Variants in SFRP2 observed in about 807,000 individuals in gnomAD.
SFRP2 encodes the protein secreted frizzled related protein 2, also known as secreted frizzled-related protein 2.
SFRP2 carries 16 observed loss-of-function variants against 26.0 expected under a neutral mutation model. The observed-to-expected ratio is 0.61, with a 90% CI of 0.42 to 0.93. The LOEUF is 0.93. Ranked by LOEUF, SFRP2 falls within the 40% of genes least tolerant of loss-of-function variation. The pLI is 0.00. For missense variants in SFRP2, 343 were observed against 392.4 expected (o/e 0.87, Z 1.06); for synonymous variants, 173 against 167.3 (o/e 1.03, Z -0.26).
rs983964629 is a variant in SFRP2 at position 153,789,031 on chromosome 4, C to T, written c.-196G>A. The stretch of plus-strand genomic sequence containing the variant: ...GCGGGCGAGGCGCTGCAAGCCCGCG[C>T]GCAGCTCCGGGGGGCTCCGACCCGG... On this transcript the variant is annotated 5_prime_UTR_variant, in exon 1 of 3. Coordinates refer to ENST00000274063, the MANE Select transcript of SFRP2 (RefSeq NM_003013.3). 37 of 577,096 alleles carry T rather than the reference C, an allele frequency of 6.4e-5. No homozygotes were observed. The highest frequency in any genetic ancestry group is 9.7e-5 in the Non-Finnish European group (34 of 351,936). 35.7% of individuals were successfully genotyped at this position (577,096 alleles called of 1,614,324 possible). A position where few individuals can be genotyped will look rare whatever the true frequency, so the allele number is the denominator to read the frequency against.
chr4:153,787,421 G>C (rs928075436), intron 1 of SFRP2, among the ~76,000 whole-genome samples: 16 of 152,226 alleles, frequency 1.1e-4, no homozygotes, highest in African/African-American at 3.9e-4. Flanking sequence ...GAAAGGGAGA[G>C]GCTGCTGAAG....
intron 1 of SFRP2, among the ~76,000 whole-genome samples, chr4:153,786,857 T>TAAA (rs201360782): frequency 3.8e-5 from 5 of 130,094 alleles, no homozygotes; most frequent in African/African-American, 5.5e-5. Context: ...TTGGGAGAAG[T>TAAA]AAAAAAAAAA....
chr4:153,785,242 A>G (rs912400536), intron 2 of SFRP2, among the ~76,000 whole-genome samples: 1 of 152,178 alleles, frequency 6.6e-6, no homozygotes, highest in African/African-American at 2.4e-5. Context: ...ACCTTTTAAA[A>G]GGGATTTTAA....
At chr4:153,785,030 C>T (rs79251246) in intron 2 of SFRP2, among the ~76,000 whole-genome samples, 253 of 152,278 alleles carry the variant, frequency 1.7e-3, no homozygotes, top group Non-Finnish European at 2.5e-3. Flanking sequence ...CCCCAGCTCT[C>T]TTTCCCCTTA....
chr4:153,787,728 A>G (rs951465921), intron 1 of SFRP2, among the ~76,000 whole-genome samples: 1 of 152,258 alleles, frequency 6.6e-6, no homozygotes, highest in African/African-American at 2.4e-5. Flanking sequence ...AGTTACAACC[A>G]ATGTTCAATT....
intron 2 of SFRP2, among the ~76,000 whole-genome samples, chr4:153,783,096 C>A (rs1741148448): frequency 6.6e-6 from 1 of 151,806 alleles, no homozygotes; most frequent in South Asian, 2.1e-4. Context: ...ACTTGGCCAA[C>A]CATGGTTTTG....
chr4:153,781,439 A>G lies in SFRP2; in HGVS notation c.*12T>C, dbSNP rs750708205. On this transcript the variant is annotated 3_prime_UTR_variant, in exon 3 of 3. Coordinates refer to ENST00000274063, the MANE Select transcript of SFRP2 (RefSeq NM_003013.3). Reference sequence around the variant, plus strand: ...CTGGAGCAGGCCTGTCGGAGCCATCAGGATGCCGGGACTAGCACTGCAGCT... The same window carrying G: ...CTGGAGCAGGCCTGTCGGAGCCATCGGGATGCCGGGACTAGCACTGCAGCT... 6.8e-6 allele frequency: 11 copies of G among 1,606,210 alleles called. No homozygotes were observed. In the Admixed American group the frequency reaches 1.8e-4, roughly 27 times the overall value.
In SFRP2 at chr4:153,788,391, T is replaced by A; in HGVS notation, c.445A>T (p.Asn149Tyr). ...CTAGCGAGGGGGATGCAAAGGTCGTTGTCCTGGGGGAAACGGTCGCACTCA... is the reference window on the plus strand; with the variant it reads ...CTAGCGAGGGGGATGCAAAGGTCGTAGTCCTGGGGGAAACGGTCGCACTCA... Reference protein sequence around the residue: ...MLECDRFPQDNDLCIPLASSD... With the variant: ...MLECDRFPQDYDLCIPLASSD... Residue 149 changes from asparagine (N) to tyrosine (Y), a missense_variant, in exon 1 of 3, where the codon AAC (asparagine) becomes TAC (tyrosine). Around this residue, in one of 2 missense-constraint regions of SFRP2, gnomAD observed 251 missense variants for 253.3 expected, o/e 0.99. Coordinates refer to ENST00000274063, the MANE Select transcript of SFRP2 (RefSeq NM_003013.3). The A allele has an allele frequency of 6.2e-7, 1 of 1,613,698 alleles. No individual in the cohort carries two copies. Among genetic ancestry groups the A allele is most frequent in the Non-Finnish European group, 8.5e-7 (1 of 1,179,978 alleles).
At chr4:153,785,458 T>C (rs907384072) in intron 2 of SFRP2, among the ~76,000 whole-genome samples, 27 of 151,038 alleles carry the variant, frequency 1.8e-4, no homozygotes, top group Non-Finnish European at 2.9e-5. Flanking sequence ...TTTAAAGCCT[T>C]GAATCTGTTT....
At chr4:153,782,809 A>C (rs1379786529) in intron 2 of SFRP2, among the ~76,000 whole-genome samples, 1 of 152,200 alleles carries the variant, frequency 6.6e-6, no homozygotes, top group African/African-American at 2.4e-5. Flanking sequence ...TAGTGGTTGC[A>C]GCATAAACTT....
chr4:153,784,034 C>G (rs1741162484), intron 2 of SFRP2, among the ~76,000 whole-genome samples: 1 of 152,106 alleles, frequency 6.6e-6, no homozygotes, highest in South Asian at 2.1e-4. Flanking sequence ...GATAGGGCAT[C>G]CTTAGAAAGG....
intron 2 of SFRP2, among the ~76,000 whole-genome samples, chr4:153,785,021 C>T (rs1267394125): frequency 6.6e-6 from 1 of 152,094 alleles, no homozygotes; most frequent in African/African-American, 2.4e-5. Flanking sequence ...TAGACAAAGC[C>T]CCAGCTCTCT....
chr4:153,788,236 A>AC, intron 1 of SFRP2, 98 bp downstream of exon 1: 1 of 1,415,180 alleles, frequency 7.1e-7, no homozygotes, highest in Non-Finnish European at 9.6e-7. Flanking sequence ...CGCTACTGGC[A>AC]CCCCAAGCAG....
intron 1 of SFRP2, 152 bp downstream of exon 1, chr4:153,788,182 T>A (rs913848498): frequency 1.1e-6 from 1 of 910,890 alleles, no homozygotes; most frequent in African/African-American, 1.7e-5. Flanking sequence ...TGATACAGGC[T>A]TGTTGTGATG....
At chr4:153,786,096 C>G in intron 1 of SFRP2, 152 bp from the exon 2 acceptor site, 1 of 516,786 alleles carries the variant, frequency 1.9e-6, no homozygotes, top group Non-Finnish European at 3.4e-6. Flanking sequence ...CAGGAACACT[C>G]AATCCTAAGA....
rs74482074 is a variant in SFRP2 at position 153,784,028 on chromosome 4, G to A, written c.583+1836C>T. 3.3e-3 allele frequency among the ~76,000 whole-genome samples: 499 copies of A among 152,280 alleles called. 4 individuals carry two copies. The highest frequency in any genetic ancestry group is 0.011 in the African/African-American group (460 of 41,554). On this transcript the variant is annotated intron_variant, in intron 2 of 2. Coordinates refer to ENST00000274063, the MANE Select transcript of SFRP2 (RefSeq NM_003013.3). ...CCATGTTTTGGCTCATGTCTTGATA[G>A]GGCATCCTTAGAAAGGGGGTCTTCT...
Position 153,781,402 on chromosome 4 carries a change from G to A in SFRP2, c.*49C>T. Reference sequence around the variant, plus strand: ...GAGCTGAGATCCCGGAGCAGAAATGGTCAGCCGTGCTCTGGAGCAGGCCTG... The same window carrying A: ...GAGCTGAGATCCCGGAGCAGAAATGATCAGCCGTGCTCTGGAGCAGGCCTG... On this transcript the variant is annotated 3_prime_UTR_variant, in exon 3 of 3. Coordinates refer to ENST00000274063, the MANE Select transcript of SFRP2 (RefSeq NM_003013.3). 6.5e-7 allele frequency: 1 copy of A among 1,538,132 alleles called. No homozygotes were observed.
Position 153,785,955 on chromosome 4 carries a change from G to T in SFRP2, c.503-11C>A. 2.5e-6 allele frequency: 4 copies of T among 1,570,130 alleles called. No homozygotes were observed. The highest frequency in any genetic ancestry group is 3.5e-6 in the Non-Finnish European group (4 of 1,153,734). On this transcript the variant is annotated splice_polypyrimidine_tract_variant and intron_variant, in intron 1 of 2. Coordinates refer to ENST00000274063, the MANE Select transcript of SFRP2 (RefSeq NM_003013.3). ...CACATACCTTTGGAGCTAGAAATGT[G>T]AAAAACAGTCTTTAGTAAGTTTGCT... is the stretch of plus-strand genomic sequence containing the variant.
Position 153,788,424 on chromosome 4 carries a change from C to A in SFRP2, c.412G>T (p.Asp138Tyr), listed in dbSNP as rs747444264. 1 of 1,613,972 alleles carries A rather than the reference C, an allele frequency of 6.2e-7. No homozygotes were observed. Among genetic ancestry groups the A allele is most frequent in the African/African-American group, 1.3e-5 (1 of 74,936 alleles). ...GGGAAACGGTCGCACTCAAGCATGT[C>A]GGGCCAGGGGAAGCCGAAGGCGGAC... ...VMSAFGFPWP[D>Y]MLECDRFPQD... Residue 138 changes from aspartate to tyrosine, a missense_variant, in exon 1 of 3, where the codon GAC (aspartate) becomes TAC (tyrosine). Physicochemically the swap from Asp to Tyr is radical, Grantham distance 160. This residue lies in a region of SFRP2 where 251 missense variants were observed against 253.3 expected (regional missense o/e 0.99). Coordinates refer to ENST00000274063, the MANE Select transcript of SFRP2 (RefSeq NM_003013.3).
Sources: gnomAD v4.1 joint callset for allele counts (sites outside exome capture counted in the v4.1 genomes callset) on GRCh38, gnomAD v4.1.1 for gene constraint, gnomAD v4.1.1 regional missense constraint, MANE v1.5 for transcripts, NCBI Gene and HGNC (gene_info 2026-07-23, HGNC 2026-07-21) for gene names.